Variants in SLC16A7 observed in about 807,000 individuals in gnomAD.
SLC16A7 encodes the protein solute carrier family 16 member 7, also known as monocarboxylate transporter 2.
SLC16A7 carries 33 observed loss-of-function variants against 34.9 expected under a neutral mutation model. The observed-to-expected ratio is 0.94, with a 90% CI of 0.72 to 1.26. SLC16A7 has a LOEUF of 1.26. Ranked by LOEUF, SLC16A7 falls within the 50% of genes most tolerant of loss-of-function variation. The pLI, the probability that SLC16A7 is intolerant of heterozygous loss-of-function variation, is 0.00. For missense variants in SLC16A7, 573 were observed against 578.1 expected (o/e 0.99, Z 0.09); for synonymous variants, 201 against 206.6 (o/e 0.97, Z 0.23).
intron 2 of SLC16A7, among the ~76,000 whole-genome samples, chr12:59,686,095 C>CTTTT (rs572779305): frequency 6.1e-4 from 57 of 93,496 alleles, no homozygotes; most frequent in Admixed American, 1.3e-3. Context: ...AAGAACTTTT[C>CTTTT]TTTTTTTTTT....
rs117568272 is a variant in SLC16A7 at position 59,703,931 on chromosome 12, G to A, written c.-30-841G>A. ...TTAAAAATAGTGGGGGCTGGATGCG[G>A]TGGCTCACACCCGTAATCCCAACAC... On this transcript the variant is annotated intron_variant, in intron 2 of 5. Coordinates refer to ENST00000547379, the MANE Select transcript of SLC16A7 (RefSeq NM_001270623.2). 3.2e-3 allele frequency among the ~76,000 whole-genome samples: 486 copies of A among 151,960 alleles called. 3 individuals are homozygous for A. The highest frequency in any genetic ancestry group is 8.2e-3 in the Admixed American group (125 of 15,244).
At chr12:59,739,046 T>A (rs372505865) in intron 3 of SLC16A7, among the ~76,000 whole-genome samples, 4 of 150,382 alleles carry the variant, frequency 2.7e-5, no homozygotes, top group Admixed American at 6.6e-5. Context: ...ATTTATTTAT[T>A]TTATTATTAT....
chr12:59,746,674 T>C (rs1272649198), intron 3 of SLC16A7, among the ~76,000 whole-genome samples: 1 of 152,222 alleles, frequency 6.6e-6, no homozygotes, highest in African/African-American at 2.4e-5. Context: ...CTCATGCATC[T>C]GAACCCAGCA....
At chr12:59,773,602 G>A (rs1407921976) in intron 4 of SLC16A7, among the ~76,000 whole-genome samples, 1 of 149,330 alleles carries the variant, frequency 6.7e-6, no homozygotes, top group African/African-American at 2.5e-5. Context: ...ATCTTGCTCT[G>A]TCGCCAGGCT....
At chr12:59,766,036 A>T (rs1223111108) in intron 3 of SLC16A7, among the ~76,000 whole-genome samples, 1 of 152,142 alleles carries the variant, frequency 6.6e-6, no homozygotes, top group Admixed American at 6.5e-5. Context: ...TTCTCCTTGA[A>T]GAGGTCCTTC....
intron 2 of SLC16A7, among the ~76,000 whole-genome samples, chr12:59,694,144 C>G (rs539252471): frequency 6.1e-4 from 93 of 151,986 alleles, no homozygotes; most frequent in Non-Finnish European, 1.1e-3. Context: ...TAGCAGATGA[C>G]AAAGCCCAAC....
In SLC16A7 at chr12:59,783,414, T is replaced by C. The variant is rs183218831; in HGVS notation, c.*3735T>C. On this transcript the variant is annotated 3_prime_UTR_variant, in exon 6 of 6. Transcript: ENST00000547379. ...CAGACTACCCAAAGTTAAAAGGTAG[T>C]ATGAACCAAAATTAAAACTCAGGTT... The C allele has an allele frequency of 6.6e-6, 1 of 152,230 alleles. No homozygotes were observed. Among genetic ancestry groups the C allele is most frequent in the East Asian group, 1.9e-4 (1 of 5,178 alleles). 9.4% of individuals were successfully genotyped at this position (152,230 alleles called of 1,614,324 possible).
At chr12:59,719,974 A>G (rs1875379605) in intron 3 of SLC16A7, 2 of 629,552 alleles carry the variant, frequency 3.2e-6, no homozygotes, top group Non-Finnish European at 5.6e-6. Flanking sequence ...AATATTGGAA[A>G]CAGGATGCAT....
chr12:59,606,291 A>G (rs987765283), intron 1 of SLC16A7, among the ~76,000 whole-genome samples: 2 of 152,208 alleles, frequency 1.3e-5, no homozygotes. Context: ...ACTTAGTTAT[A>G]AAGTTAGTAA....
At chr12:59,658,081 T>C (rs1383002537) in intron 2 of SLC16A7, among the ~76,000 whole-genome samples, 1 of 152,016 alleles carries the variant, frequency 6.6e-6, no homozygotes, top group Admixed American at 6.6e-5. Context: ...AGGGATACCA[T>C]CCCTTTAAAT....
At chr12:59,692,288 A>C (rs1871756384) in intron 2 of SLC16A7, among the ~76,000 whole-genome samples, 1 of 151,986 alleles carries the variant, frequency 6.6e-6, no homozygotes, top group Admixed American at 6.6e-5. Context: ...ATCCAGGGTA[A>C]GATTCTCTCT....
chr12:59,672,324 A>G lies in SLC16A7; in HGVS notation c.-31+17074A>G, dbSNP rs1869947489. Among the ~76,000 whole-genome samples the G allele has an allele frequency of 2.0e-5, 3 of 148,884 alleles. 1 individual carries two copies. Among genetic ancestry groups the G allele is most frequent in the Non-Finnish European group, 4.5e-5 (3 of 67,332 alleles). The stretch of plus-strand genomic sequence containing the variant: ...TATATATTCTCAGGTGTTGATGAGC[A>G]ACAGTTTTATTTTTGAGTAAGTTTT... On this transcript the variant is annotated intron_variant, in intron 2 of 5. Coordinates refer to ENST00000547379, the MANE Select transcript of SLC16A7 (RefSeq NM_001270623.2).
intron 1 of SLC16A7, among the ~76,000 whole-genome samples, chr12:59,627,042 C>G (rs1335103964): frequency 6.6e-6 from 1 of 151,720 alleles, no homozygotes; most frequent in African/African-American, 2.4e-5. Context: ...TAAATTAATT[C>G]TTGTTATTAC....
intron 1 of SLC16A7, among the ~76,000 whole-genome samples, chr12:59,637,555 G>GCAAC (rs1304041699): frequency 1.3e-5 from 2 of 151,670 alleles, no homozygotes; most frequent in African/African-American, 4.8e-5. Context: ...TTACATAATA[G>GCAAC]GTTGACACTC....
intron 2 of SLC16A7, among the ~76,000 whole-genome samples, chr12:59,697,344 T>C (rs950313909): frequency 2.6e-5 from 4 of 152,018 alleles, no homozygotes; most frequent in African/African-American, 4.8e-5. Flanking sequence ...GGGGATATGA[T>C]TGATACTTAG....
Position 59,688,122 on chromosome 12 carries a change from G to C in SLC16A7, c.-30-16650G>C, listed in dbSNP as rs1434006904. The stretch of plus-strand genomic sequence containing the variant: ...TATTATTTTCTGACTCCAGTGGATA[G>C]TTAACATTCTGTGGGTTCCAGCTTT... On this transcript the variant is annotated intron_variant, in intron 2 of 5. Coordinates refer to ENST00000547379, the MANE Select transcript of SLC16A7 (RefSeq NM_001270623.2). 3.3e-5 allele frequency among the ~76,000 whole-genome samples: 5 copies of C among 152,134 alleles called. No individual in the cohort carries two copies. In the East Asian group the frequency reaches 9.7e-4, roughly 29 times the overall value.
At chr12:59,659,546 T>C (rs963111889) in intron 2 of SLC16A7, among the ~76,000 whole-genome samples, 2 of 152,110 alleles carry the variant, frequency 1.3e-5, no homozygotes, top group Non-Finnish European at 2.9e-5. Flanking sequence ...CTACTCACTA[T>C]ATGTTGCTTA....
intron 2 of SLC16A7, among the ~76,000 whole-genome samples, chr12:59,692,879 T>C (rs145225583): frequency 2.6e-5 from 4 of 152,068 alleles, no homozygotes; most frequent in Admixed American, 6.6e-5. Context: ...GGGATTAGAG[T>C]CCAATTTTAA....
intron 2 of SLC16A7, among the ~76,000 whole-genome samples, chr12:59,684,592 C>A (rs1444248342): frequency 6.6e-6 from 1 of 151,990 alleles, no homozygotes; most frequent in Non-Finnish European, 1.5e-5. Context: ...AGTGTTAGGA[C>A]AAGGAACACA....
Sources: allele counts gnomAD v4.1 joint callset (sites outside exome capture counted in the v4.1 genomes callset), GRCh38; gene constraint gnomAD v4.1.1; transcripts MANE v1.5; gene names NCBI Gene and HGNC (gene_info 2026-07-23, HGNC 2026-07-21).